STAR: variants seen among roughly 807,000 people sequenced by gnomAD.
The protein encoded by STAR is steroidogenic acute regulatory protein.
A neutral mutation model predicts 32.3 loss-of-function variants in STAR; 32 were observed. The observed-to-expected ratio is 0.99, with a 90% CI of 0.75 to 1.33. STAR has a LOEUF of 1.33. STAR is among the 40% of genes most tolerant of loss of function. The probability of loss-of-function intolerance (pLI) is 0.00; values close to 1 mark genes in which losing one functional copy is unlikely to be tolerated. For synonymous variants in STAR, 134 were observed against 140.5 expected (o/e 0.95, Z 0.33); for missense variants, 375 against 379.0 (o/e 0.99, Z 0.09).
At chr8:38,148,580 C>T in intron 2 of STAR, 61 bp downstream of exon 2, 2 of 1,516,016 alleles carry the variant, frequency 1.3e-6, no homozygotes, top group Admixed American at 3.3e-5. Context: ...ACATGCACCA[C>T]ATCACCCTCC....
Position 38,148,242 on chromosome 8 carries a change from G to T in STAR, c.264C>A (p.Gly88=), listed in dbSNP as rs1329228880. The stretch of plus-strand genomic sequence containing the variant: ...TCCAGCCCTCTTGGTTGCTAAGGAT[G>T]CCCAAGGCCTTCTGCATGGCCTCCT... The part of the protein sequence containing the change: ...QGEEAMQKAL[G]ILSNQEGWKK... The change falls in exon 3 of 7, where the codon GGC becomes GGA. Residue 88 remains glycine, a synonymous_variant. Transcript: ENST00000276449. The T allele has an allele frequency of 1.2e-6, 2 of 1,614,060 alleles. No homozygotes were observed. Among genetic ancestry groups the T allele is most frequent in the Non-Finnish European group, 1.7e-6 (2 of 1,179,996 alleles).
chr8:38,144,927 T>G (rs561150106), intron 6 of STAR: 3 of 1,041,174 alleles, frequency 2.9e-6, no homozygotes, highest in Admixed American at 7.0e-5. Flanking sequence ...AAGAATCACT[T>G]GAATCCGGGA....
At chr8:38,148,366 C>T (rs201792726) in intron 2 of STAR, 39 bp from the exon 3 acceptor site, 2 of 1,612,160 alleles carry the variant, frequency 1.2e-6, no homozygotes, top group African/African-American at 2.7e-5. Context: ...CTTCCTTCTT[C>T]TCCCAGCCTC....
intron 5 of STAR, 41 bp from the exon 6 acceptor site, chr8:38,145,356 TTC>T (rs1802551588): frequency 5.6e-6 from 9 of 1,613,454 alleles, no homozygotes; most frequent in Admixed American, 1.7e-5. Flanking sequence ...CAGTTGCGAG[TTC>T]TCTCTTGCAC....
chr8:38,150,458 A>G (rs1802648179), intron 1 of STAR, among the ~76,000 whole-genome samples: 1 of 151,406 alleles, frequency 6.6e-6, no homozygotes, highest in South Asian at 2.1e-4. Flanking sequence ...GGAAGGAAGA[A>G]AGGAAGAAAG....
chr8:38,149,634 G>T (rs536174422), intron 1 of STAR, among the ~76,000 whole-genome samples: 2 of 152,208 alleles, frequency 1.3e-5, no homozygotes, highest in East Asian at 3.9e-4. Context: ...GTGTACCCCT[G>T]CTACAAGACT....
rs1253216934 is a variant in STAR, at chr8:38,142,752, C to T, written c.*1521G>A. Among the ~76,000 whole-genome samples the T allele has an allele frequency of 6.6e-6, 1 of 151,908 alleles. No individual in the cohort carries two copies. The highest frequency in any genetic ancestry group is 2.4e-5 in the African/African-American group (1 of 41,346). The stretch of plus-strand genomic sequence containing the variant: ...CATGTTAGTCAGGCTGGTCTCCTGC[C>T]CTCAGGTGATTGCCTGCCTTGGCCT... On this transcript the variant is annotated 3_prime_UTR_variant, in exon 7 of 7. Coordinates refer to ENST00000276449, the MANE Select transcript of STAR (RefSeq NM_000349.3).
In STAR at chr8:38,150,943, C is replaced by T. The variant is rs1802660702; in HGVS notation, c.-125G>A. The T allele has an allele frequency of 6.3e-7, 1 of 1,588,770 alleles. No homozygotes were observed. The highest frequency in any genetic ancestry group is 1.3e-5 in the African/African-American group (1 of 74,844). On this transcript the variant is annotated 5_prime_UTR_variant, in exon 1 of 7. Transcript: ENST00000276449. ...GCCCCTCAAGCTTCGCCTCTGAGTC[C>T]CGCAGCTGCAGCCTGGACCTGGTGT...
chr8:38,144,311 GC>G lies in STAR; in HGVS notation c.819del (p.Lys273AsnfsTer48). 1 of 1,609,854 alleles carries G rather than the reference GC, an allele frequency of 6.2e-7. No homozygotes were observed. Among genetic ancestry groups the G allele is most frequent in the Non-Finnish European group, 8.5e-7 (1 of 1,178,252 alleles). On this transcript the variant is annotated frameshift_variant, in exon 7 of 7. Coordinates refer to ENST00000276449, the MANE Select transcript of STAR (RefSeq NM_000349.3). LOFTEE classifies it high-confidence loss of function. The part of the protein sequence containing the change: ...TQVDFANHLR[K>X]RLESHPASEA... ...TCAGAGGCAGGGTGGGACTCCAGGC[GC>G]TTGCGCAGGTGGTTGGCAAAATCCA...
chr8:38,145,223 T>G lies in STAR; in HGVS notation c.743A>C (p.Lys248Thr). The G allele has an allele frequency of 6.2e-7, 1 of 1,614,078 alleles. No homozygotes were observed. Residue 248 changes from lysine to threonine, a missense_variant and splice_region_variant, in exon 6 of 7, where the codon AAG becomes ACG. Transcript: ENST00000276449. ...KLTWLLSIDL[K>T]GWLPKSIINQ... Reference sequence around the variant, plus strand: ...AGGTCCCCCTCCCATGCCCTTCACCTTGAGGTCGATGCTGAGTAGCCACGT... The same window carrying G: ...AGGTCCCCCTCCCATGCCCTTCACCGTGAGGTCGATGCTGAGTAGCCACGT...
Position 38,148,699 on chromosome 8 carries a change from C to A in STAR, c.120G>T (p.Leu40=), listed in dbSNP as rs138786388. 3.7e-6 allele frequency: 6 copies of A among 1,614,106 alleles called. No individual in the cohort carries two copies. Among genetic ancestry groups the A allele is most frequent in the Non-Finnish European group, 4.2e-6 (5 of 1,180,030 alleles). The change falls in exon 2 of 7, where the codon CTG becomes CTT. Residue 40 remains leucine, a synonymous_variant. Transcript: ENST00000276449. ...AISQELNRRA[L]GGPTPSTWIN... is the part of the protein sequence containing the mutation. ...TCCACGTGCTAGGGGTGGGGCCCCC[C>A]AGGGCCCTCCGGTTCAGCTCCTGGC... is the stretch of plus-strand genomic sequence containing the variant.
intron 6 of STAR, chr8:38,145,011 A>AG (rs1431985939): frequency 1.2e-3 from 2 of 1,732 alleles, no homozygotes; most frequent in African/African-American, 6.1e-3. Flanking sequence ...TGAGTCTCGA[A>AG]AAAAAAAAAA....
Position 38,143,921 on chromosome 8 carries a change from T to G in STAR, c.*352A>C, listed in dbSNP as rs1563267024. The G allele has an allele frequency of 2.9e-6, 1 of 350,762 alleles. No homozygotes were observed. Among genetic ancestry groups the G allele is most frequent in the Non-Finnish European group, 5.6e-6 (1 of 178,586 alleles). 21.7% of individuals were successfully genotyped at this position (350,762 alleles called of 1,614,324 possible). On this transcript the variant is annotated 3_prime_UTR_variant, in exon 7 of 7. Coordinates refer to ENST00000276449, the MANE Select transcript of STAR (RefSeq NM_000349.3). ...CCATAAAGCAAGACTTCTCAGGCCC[T>G]GTGGTTAGCATCCCCCACACCCATA...
chr8:38,144,055 G>A lies in STAR; in HGVS notation c.*218C>T, dbSNP rs1802515759. On this transcript the variant is annotated 3_prime_UTR_variant, in exon 7 of 7. Coordinates refer to ENST00000276449, the MANE Select transcript of STAR (RefSeq NM_000349.3). ...AACCCTCATGTCATAGCTAATCAGT[G>A]AATGAAGTTACCTTTTAATCCAAGA... The A allele has an allele frequency of 1.8e-5, 10 of 553,796 alleles. No homozygotes were observed. The East Asian group carries it at 3.6e-4, about 20-fold the overall frequency. The allele number at this position is 553,796 out of a possible 1,614,324, so 34.3% of individuals were successfully genotyped here. A position where few individuals can be genotyped will look rare whatever the true frequency, so the allele number is the denominator to read the frequency against.
chr8:38,145,322 A>C lies in STAR; in HGVS notation c.651-7T>G. ...AGTGGGACCGTGCTCCGCCCTGGCA[A>C]ATGGAGAAGTCAAGTCAGGAGGACA... On this transcript the variant is annotated splice_region_variant and splice_polypyrimidine_tract_variant and intron_variant, in intron 5 of 6. Coordinates refer to ENST00000276449, the MANE Select transcript of STAR (RefSeq NM_000349.3). 6.2e-7 allele frequency: 1 copy of C among 1,614,112 alleles called. No homozygotes were observed. The highest frequency in any genetic ancestry group is 8.5e-7 in the Non-Finnish European group (1 of 1,180,032).
chr8:38,145,137 T>G lies in STAR; in HGVS notation c.744+85A>C. The G allele has an allele frequency of 3.1e-6, 5 of 1,598,528 alleles. No homozygotes were observed. In the South Asian group the frequency reaches 5.6e-5, roughly 18 times the overall value. ...GTGATTCTATCAGAATAGAAGAGGATTCTTTCTGCAGCATGGGGGGAATGG... is the reference window on the plus strand; with the variant it reads ...GTGATTCTATCAGAATAGAAGAGGAGTCTTTCTGCAGCATGGGGGGAATGG... On this transcript the variant is annotated intron_variant, in intron 6 of 6. Transcript: ENST00000276449.
Position 38,142,843 on chromosome 8 carries a change from A to G in STAR, c.*1430T>C, listed in dbSNP as rs1802490943. ...AATTCTCTTGACTCCTGGGAAAGGG[A>G]ATTTGCTTTCACCATATTACCCCTT... is the stretch of plus-strand genomic sequence containing the variant. On this transcript the variant is annotated 3_prime_UTR_variant, in exon 7 of 7. Transcript: ENST00000276449. Among the ~76,000 whole-genome samples, 1 of 152,016 alleles carries G rather than the reference A, an allele frequency of 6.6e-6. No individual in the cohort carries two copies. Among genetic ancestry groups the G allele is most frequent in the African/African-American group, 2.4e-5 (1 of 41,394 alleles).
chr8:38,145,783 A>G, intron 5 of STAR, 180 bp downstream of exon 5: 1 of 749,128 alleles, frequency 1.3e-6, no homozygotes, highest in African/African-American at 1.8e-5. Context: ...TGGCTGTCCA[A>G]GTAGGGCCTA....
intron 3 of STAR, among the ~76,000 whole-genome samples, chr8:38,147,792 A>T (rs143502895): frequency 1.1e-4 from 17 of 152,340 alleles, no homozygotes; most frequent in African/African-American, 4.1e-4. Context: ...GTTCTAGTCC[A>T]GGCCTGTTGT....
Sources: gnomAD v4.1 joint callset for allele counts (sites outside exome capture counted in the v4.1 genomes callset) on GRCh38, gnomAD v4.1.1 for gene constraint, MANE v1.5 for transcripts, NCBI Gene and HGNC (gene_info 2026-07-23, HGNC 2026-07-21) for gene names.